Variants in TPH2 observed in about 807,000 individuals in gnomAD.
The protein encoded by TPH2 is tryptophan hydroxylase 2.
Under a neutral mutation model 59.1 loss-of-function variants are expected in TPH2, and 27 were observed. That is an observed-to-expected ratio of 0.46 (90% CI 0.34 to 0.63). The LOEUF is 0.63. TPH2 is among the 30% of genes least tolerant of loss of function. The pLI is 0.01. For missense variants in TPH2, 523 were observed against 588.3 expected (o/e 0.89, Z 1.15); for synonymous variants, 220 against 210.5 (o/e 1.05, Z -0.39).
intron 5 of TPH2, among the ~76,000 whole-genome samples, chr12:71,971,391 A>G (rs1183444357): frequency 6.6e-6 from 1 of 152,166 alleles, no homozygotes; most frequent in Non-Finnish European, 1.5e-5. Flanking sequence ...GCTGTTGAGT[A>G]TGTCATGAGA....
intron 8 of TPH2, among the ~76,000 whole-genome samples, chr12:72,007,352 G>A (rs1483680079): frequency 6.6e-6 from 1 of 152,128 alleles, no homozygotes; most frequent in East Asian, 1.9e-4. Context: ...ATGAATTCCT[G>A]ACTAAACTTG....
intron 8 of TPH2, among the ~76,000 whole-genome samples, chr12:72,012,002 C>T (rs1006359773): frequency 6.6e-6 from 1 of 152,184 alleles, no homozygotes; most frequent in Non-Finnish European, 1.5e-5. Context: ...GGAAAATTGG[C>T]TGAGGTTAGT....
At chr12:72,013,099 T>A (rs1226670277) in intron 8 of TPH2, among the ~76,000 whole-genome samples, 1 of 150,650 alleles carries the variant, frequency 6.6e-6, no homozygotes, top group East Asian at 1.9e-4. Context: ...CTGCTGACAC[T>A]TTTTTTTTCT....
At chr12:71,974,129 C>G (rs1375222323) in intron 6 of TPH2, among the ~76,000 whole-genome samples, 1 of 152,058 alleles carries the variant, frequency 6.6e-6, no homozygotes, top group Non-Finnish European at 1.5e-5. Flanking sequence ...CTGGAACTTG[C>G]TTTCTTGCTT....
intron 7 of TPH2, among the ~76,000 whole-genome samples, chr12:71,990,564 A>G (rs562224614): frequency 6.6e-6 from 1 of 152,378 alleles, no homozygotes; most frequent in African/African-American, 2.4e-5. Flanking sequence ...TAGTAATGTT[A>G]AAAATCTTTG....
intron 5 of TPH2, chr12:71,961,558 C>A (rs764781116): frequency 1.5e-6 from 2 of 1,351,896 alleles, no homozygotes; most frequent in Non-Finnish European, 2.0e-6. Context: ...TCTAGTGGCC[C>A]AAGACTGTTA....
intron 8 of TPH2, among the ~76,000 whole-genome samples, chr12:72,020,848 G>A (rs898782912): frequency 1.3e-5 from 2 of 152,070 alleles, no homozygotes; most frequent in Admixed American, 6.6e-5. Context: ...ACTTCTGGAG[G>A]TTAAGCTCCA....
chr12:71,995,999 T>C (rs1872684403), intron 8 of TPH2, among the ~76,000 whole-genome samples: 1 of 152,234 alleles, frequency 6.6e-6, no homozygotes, highest in East Asian at 1.9e-4. Flanking sequence ...GCTTAGTGGC[T>C]TAAAACAACA....
At chr12:71,979,222 A>G (rs1872203469) in intron 7 of TPH2, 135 bp downstream of exon 7, 2 of 1,329,724 alleles carry the variant, frequency 1.5e-6, no homozygotes. Flanking sequence ...CACTCACCTA[A>G]AGAGAAAAGG....
chr12:71,988,686 T>G (rs11179032), intron 7 of TPH2, among the ~76,000 whole-genome samples: 6,480 of 152,218 alleles, frequency 0.043, 264 homozygotes, highest in South Asian at 0.17. Flanking sequence ...AACGTGAGAT[T>G]TTGGCTGGGT....
At chr12:71,970,108 A>T (rs1871931630) in intron 5 of TPH2, among the ~76,000 whole-genome samples, 1 of 152,234 alleles carries the variant, frequency 6.6e-6, no homozygotes, top group African/African-American at 2.4e-5. Context: ...GAAGTAGATA[A>T]AACTAGTATT....
chr12:71,972,468 TAACTC>T, intron 5 of TPH2, 46 bp from the exon 6 acceptor site: 2 of 1,582,564 alleles, frequency 1.3e-6, no homozygotes, highest in Non-Finnish European at 1.7e-6. Flanking sequence ...AGAAAATACT[TAACTC>T]AGTGATTCAA....
chr12:71,979,697 C>T (rs980676740), intron 7 of TPH2, among the ~76,000 whole-genome samples: 1 of 152,138 alleles, frequency 6.6e-6, no homozygotes, highest in Admixed American at 6.5e-5. Context: ...GGGAGAGAAG[C>T]TAAGAGGTGA....
At chr12:71,950,955 G>A (rs900732358) in intron 5 of TPH2, among the ~76,000 whole-genome samples, 5 of 152,022 alleles carry the variant, frequency 3.3e-5, no homozygotes, top group African/African-American at 9.7e-5. Flanking sequence ...GGCATCCTTC[G>A]TCCTTTCTCC....
chr12:71,968,471 A>AT (rs1168874982), intron 5 of TPH2, among the ~76,000 whole-genome samples: 118 of 152,256 alleles, frequency 7.8e-4, no homozygotes, highest in Middle Eastern at 6.8e-3. Context: ...CAGAGGACGT[A>AT]TGTCCAGGCT....
chr12:72,031,747 TTCAG>T lies in TPH2; in HGVS notation c.*56_*59del. The T allele has an allele frequency of 6.2e-7, 1 of 1,606,262 alleles. No individual in the cohort carries two copies. Among genetic ancestry groups the T allele is most frequent in the Non-Finnish European group, 8.5e-7 (1 of 1,173,434 alleles). ...TGATCTTTTTGGGGCTTAGCAGCAGTTCAGTCAATGTCATATAACGCAAATAACC... is the reference window on the plus strand; with the variant it reads ...TGATCTTTTTGGGGCTTAGCAGCAGTTCAATGTCATATAACGCAAATAACC... On this transcript the variant is annotated 3_prime_UTR_variant, in exon 11 of 11. Transcript: ENST00000333850.
chr12:71,944,240 G>A (rs968907342), intron 2 of TPH2, 54 bp from the exon 3 acceptor site: 23 of 1,588,408 alleles, frequency 1.4e-5, no homozygotes, highest in Non-Finnish European at 1.7e-5. Context: ...AAAAGCTCAT[G>A]GCATTCCTTT....
intron 7 of TPH2, among the ~76,000 whole-genome samples, chr12:71,982,697 T>C (rs1197091314): frequency 6.6e-6 from 1 of 152,200 alleles, no homozygotes; most frequent in Non-Finnish European, 1.5e-5. Flanking sequence ...AAGTTCAACT[T>C]CTCTACTGTG....
intron 9 of TPH2, among the ~76,000 whole-genome samples, chr12:72,023,565 C>T (rs1873482719): frequency 6.6e-6 from 1 of 152,078 alleles, no homozygotes; most frequent in African/African-American, 2.4e-5. Flanking sequence ...TGCATTGGCT[C>T]ATGCTTGTAG....
Sources: allele counts gnomAD v4.1 joint callset (sites outside exome capture counted in the v4.1 genomes callset), GRCh38; gene constraint gnomAD v4.1.1; transcripts MANE v1.5; gene names NCBI Gene and HGNC (gene_info 2026-07-23, HGNC 2026-07-21).